Variants in SH3PXD2A observed in about 807,000 individuals in gnomAD.
SH3PXD2A encodes the protein SH3 and PX domains 2A.
A neutral mutation model predicts 115.2 loss-of-function variants in SH3PXD2A; 32 were observed. That is an observed-to-expected ratio of 0.28 (90% confidence interval 0.21 to 0.37). SH3PXD2A has a LOEUF of 0.37. SH3PXD2A is among the 10% of genes least tolerant of loss of function. The probability of loss-of-function intolerance (pLI) is 1.00; values close to 1 mark genes in which losing one functional copy is unlikely to be tolerated. For synonymous variants in SH3PXD2A, 610 were observed against 629.1 expected (o/e 0.97, Z 0.45); for missense variants, 1,328 against 1,498.7 (o/e 0.89, Z 1.88).
chr10:103,803,676 A>C (rs2039169025), intron 1 of SH3PXD2A, among the ~76,000 whole-genome samples: 2 of 152,210 alleles, frequency 1.3e-5, no homozygotes, highest in Non-Finnish European at 2.9e-5. Flanking sequence ...CCTGTACATA[A>C]ATTTATCTAA....
At chr10:103,713,947 C>T (rs1024795936) in intron 5 of SH3PXD2A, among the ~76,000 whole-genome samples, 5 of 152,138 alleles carry the variant, frequency 3.3e-5, no homozygotes, top group African/African-American at 7.2e-5. Context: ...TCTGAAGTCC[C>T]GGGCCTCACA....
At chr10:103,638,911 G>C (rs1417176402) in intron 8 of SH3PXD2A, among the ~76,000 whole-genome samples, 1 of 152,224 alleles carries the variant, frequency 6.6e-6, no homozygotes, top group African/African-American at 2.4e-5. Flanking sequence ...CGTGGTGTCA[G>C]TGTCATTTAC....
At position 103,784,179 on chromosome 10, in the gene SH3PXD2A, G is replaced by A. The variant is rs1489537972; in HGVS notation, c.154-17010C>T. Among the ~76,000 whole-genome samples the A allele has an allele frequency of 1.3e-5, 2 of 152,222 alleles. No homozygotes were observed. Among genetic ancestry groups the A allele is most frequent in the African/African-American group, 4.8e-5 (2 of 41,458 alleles). The stretch of plus-strand genomic sequence containing the variant: ...GGGAGAGAAGATGCTGGCTGCTCGG[G>A]GGTTGCTGGGGCACCTGTGTGCAGG... On this transcript the variant is annotated intron_variant, in intron 2 of 14. Transcript: ENST00000369774. The surrounding 1 kb of genome is among the most constrained non-coding windows in gnomAD (Gnocchi z 4.4).
In SH3PXD2A at chr10:103,612,938, G is replaced by T. The variant is rs578149053; in HGVS notation, c.1173C>A (p.Ala391=). Residue 391 remains alanine (A), a synonymous_variant, in exon 12 of 15, where the codon GCC becomes GCA. Transcript: ENST00000369774. ...PILCNASNGS[A]VGVPDRTVSR... Reference sequence around the variant, plus strand: ...AGACAGTCCTGTCAGGAACGCCCACGGCACTGCCATTGGAGGCATTGCAGA... The same window carrying T: ...AGACAGTCCTGTCAGGAACGCCCACTGCACTGCCATTGGAGGCATTGCAGA... 6.2e-7 allele frequency: 1 copy of T among 1,613,990 alleles called. No individual in the cohort carries two copies. Among genetic ancestry groups the T allele is most frequent in the South Asian group, 1.1e-5 (1 of 91,054 alleles).
intron 1 of SH3PXD2A, among the ~76,000 whole-genome samples, chr10:103,810,474 A>G (rs114905543): frequency 0.01 from 1,543 of 152,290 alleles, 32 homozygotes; most frequent in African/African-American, 0.036. Context: ...TTGGCTTCAC[A>G]CAGGAGGAAG....
At chr10:103,823,695 G>C (rs1009164911) in intron 1 of SH3PXD2A, among the ~76,000 whole-genome samples, 1 of 152,202 alleles carries the variant, frequency 6.6e-6, no homozygotes, top group African/African-American at 2.4e-5. Flanking sequence ...AGTCCCGGTG[G>C]GACTGATTCC....
At chr10:103,683,197 CAAAT>C (rs2037633655) in intron 6 of SH3PXD2A, among the ~76,000 whole-genome samples, 1 of 151,804 alleles carries the variant, frequency 6.6e-6, no homozygotes, top group African/African-American at 2.4e-5. Context: ...CTGTTTCTAC[CAAAT>C]AAATAAACAA....
intron 3 of SH3PXD2A, among the ~76,000 whole-genome samples, chr10:103,762,390 C>T (rs1314311905): frequency 6.6e-6 from 1 of 152,170 alleles, no homozygotes; most frequent in Non-Finnish European, 1.5e-5. Context: ...CGGATAAGGG[C>T]CTTGTCTCAA....
chr10:103,785,188 G>A (rs1192532959), intron 2 of SH3PXD2A, among the ~76,000 whole-genome samples: 1 of 152,222 alleles, frequency 6.6e-6, no homozygotes, highest in Non-Finnish European at 1.5e-5. Flanking sequence ...CAGCTTGGGG[G>A]CCAGCCTGTC....
chr10:103,705,264 C>G (rs1364463907), intron 5 of SH3PXD2A, among the ~76,000 whole-genome samples: 1 of 152,160 alleles, frequency 6.6e-6, no homozygotes, highest in Non-Finnish European at 1.5e-5. Flanking sequence ...TGCCCATGAA[C>G]CCCAAAGTAT....
chr10:103,600,291 G>A lies in SH3PXD2A; in HGVS notation c.*1525C>T, dbSNP rs1385401129. On this transcript the variant is annotated 3_prime_UTR_variant, in exon 15 of 15. Transcript: ENST00000369774. Reference sequence around the variant, plus strand: ...AACAATTGAAAAACACAACCCAAAGGTGACAGAGGACCTACAGGGAACTTT... The same window carrying A: ...AACAATTGAAAAACACAACCCAAAGATGACAGAGGACCTACAGGGAACTTT... The A allele has an allele frequency of 2.0e-5, 3 of 152,620 alleles. No homozygotes were observed. Among genetic ancestry groups the A allele is most frequent in the Non-Finnish European group, 2.9e-5 (2 of 68,052 alleles). 9.5% of individuals were successfully genotyped at this position (152,620 alleles called of 1,614,324 possible).
In SH3PXD2A at chr10:103,641,490, C is replaced by T. The variant is rs186510218; in HGVS notation, c.605-14288G>A. On this transcript the variant is annotated intron_variant, in intron 8 of 14. Transcript: ENST00000369774. ...GGTGCCAGGATTGGCACTCAGGTCT[C>T]ATACCCAGTACAGCATTCATTCAGC... is the stretch of plus-strand genomic sequence containing the variant. Among the ~76,000 whole-genome samples the T allele has an allele frequency of 1.5e-3, 236 of 152,286 alleles. 1 individual carries two copies. Among genetic ancestry groups the T allele is most frequent in the African/African-American group, 5.4e-3 (223 of 41,556 alleles).
At chr10:103,851,581 C>A (rs1842897270) in intron 1 of SH3PXD2A, among the ~76,000 whole-genome samples, 1 of 152,186 alleles carries the variant, frequency 6.6e-6, no homozygotes, top group South Asian at 2.1e-4. Context: ...CTGCCCTGTG[C>A]CAGCTGCGAG....
At chr10:103,798,684 A>G (rs1470044617) in intron 2 of SH3PXD2A, among the ~76,000 whole-genome samples, 1 of 152,178 alleles carries the variant, frequency 6.6e-6, no homozygotes, top group Non-Finnish European at 1.5e-5. Flanking sequence ...AGAGTCAGCC[A>G]AAAAGGAAAG....
At position 103,789,923 on chromosome 10, in the gene SH3PXD2A, T is replaced by TG. The variant is rs1252160401; in HGVS notation, c.153+11358dup. On this transcript the variant is annotated intron_variant, in intron 2 of 14. Transcript: ENST00000369774. ...AAAGCTGGGGTTTATTATTCAACAA[T>TG]GAGAGAGGCAGGTGACGGTGTGCAG... 3.9e-5 allele frequency among the ~76,000 whole-genome samples: 6 copies of TG among 152,166 alleles called. No individual in the cohort carries two copies. In the East Asian group the frequency reaches 1.2e-3, roughly 29 times the overall value.
At chr10:103,736,478 T>G (rs959791237) in intron 3 of SH3PXD2A, among the ~76,000 whole-genome samples, 3 of 152,230 alleles carry the variant, frequency 2.0e-5, no homozygotes, top group African/African-American at 7.2e-5. Context: ...CATTCAATCA[T>G]AACAAATGCA....
At chr10:103,610,523 G>A (rs951028852) in intron 13 of SH3PXD2A, among the ~76,000 whole-genome samples, 6 of 152,218 alleles carry the variant, frequency 3.9e-5, no homozygotes, top group African/African-American at 1.4e-4. Context: ...CTCATCTCCA[G>A]GGATGAAATC....
Position 103,855,370 on chromosome 10 carries a change from C to T in SH3PXD2A, c.-104G>A. 1.2e-6 allele frequency: 1 copy of T among 841,230 alleles called. No individual in the cohort carries two copies. Among genetic ancestry groups the T allele is most frequent in the Non-Finnish European group, 1.7e-6 (1 of 586,076 alleles). The allele number at this position is 841,230 out of a possible 1,614,324, so 52.1% of individuals were successfully genotyped here. ...CCGGGGTCCCGGGGCCGCCCGCCAC[C>T]CCGGCCCGGCGCGCCGAACGCTGCC... is the stretch of plus-strand genomic sequence containing the variant. On this transcript the variant is annotated 5_prime_UTR_variant, in exon 1 of 15. Transcript: ENST00000369774.
intron 3 of SH3PXD2A, among the ~76,000 whole-genome samples, chr10:103,736,554 G>C (rs909461160): frequency 6.6e-6 from 1 of 152,248 alleles, no homozygotes; most frequent in Non-Finnish European, 1.5e-5. Flanking sequence ...TGATGTTCAA[G>C]GTCTTACACA....
Sources: allele counts gnomAD v4.1 joint callset (sites outside exome capture counted in the v4.1 genomes callset), GRCh38; gene constraint gnomAD v4.1.1; non-coding constraint Gnocchi (gnomAD v3.1); transcripts MANE v1.5; gene names NCBI Gene and HGNC (gene_info 2026-07-23, HGNC 2026-07-21).